The following ANKS1B variants were observed in gnomAD, a reference collection of about 807,000 sequenced individuals.
The protein encoded by ANKS1B is ankyrin repeat and sterile alpha motif domain containing 1B, also known as ankyrin repeat and sterile alpha motif domain-containing protein 1B.
Under a neutral mutation model 148.3 loss-of-function variants are expected in ANKS1B, and 36 were observed. The ratio of observed to expected loss-of-function variants is 0.24; its 90% CI spans 0.19 to 0.32. The LOEUF (loss-of-function observed/expected upper bound fraction) is 0.32, where lower values mean the gene tolerates loss of function less well. ANKS1B is among the 10% of genes least tolerant of loss of function. The pLI is 1.00. For synonymous variants in ANKS1B, 542 were observed against 560.8 expected, an observed-to-expected ratio of 0.97 and a Z score of 0.47; for missense variants, 1,157 against 1,542.6, an observed-to-expected ratio of 0.75 and a Z score of 4.19.
chr12:99,016,342 C>T (rs1272551318), intron 17 of ANKS1B, among the ~76,000 whole-genome samples: 1 of 152,100 alleles, frequency 6.6e-6, no homozygotes, highest in African/African-American at 2.4e-5. Context: ...GTAAAGTATA[C>T]TCAGATTTGC....
intron 12 of ANKS1B, among the ~76,000 whole-genome samples, chr12:99,353,312 TGAA>T (rs2091640651): frequency 6.6e-6 from 1 of 152,086 alleles, no homozygotes; most frequent in African/African-American, 2.4e-5. Flanking sequence ...TATAAATTTA[TGAA>T]GGAGAGTAAA....
chr12:99,466,073 A>G (rs1272989254), intron 10 of ANKS1B, among the ~76,000 whole-genome samples: 3 of 152,224 alleles, frequency 2.0e-5, no homozygotes, highest in African/African-American at 4.8e-5. Flanking sequence ...AAAAACAGAA[A>G]TTATAACAAA....
At chr12:98,895,794 T>G (rs965546164) in intron 17 of ANKS1B, among the ~76,000 whole-genome samples, 11 of 145,536 alleles carry the variant, frequency 7.6e-5, no homozygotes, top group Admixed American at 7.5e-4. Flanking sequence ...GTTTTGTGTT[T>G]TTGTTTGTTT....
rs189237488 is a variant in ANKS1B, at chr12:99,830,414, C to T, written c.135-5025G>A. Among the ~76,000 whole-genome samples the T allele has an allele frequency of 7.9e-3, 1,204 of 151,986 alleles. 15 individuals carry two copies. Among genetic ancestry groups the T allele is most frequent in the African/African-American group, 0.027 (1,138 of 41,468 alleles). On this transcript the variant is annotated intron_variant, in intron 1 of 26. Coordinates refer to ENST00000683438, the MANE Select transcript of ANKS1B (RefSeq NM_001352186.2). ...TCTCTATGGAATATTTTACGGAAAA[C>T]TCAACTAAAAGTTCTAAATTTGATT...
intron 12 of ANKS1B, among the ~76,000 whole-genome samples, chr12:99,342,765 A>G (rs1358580052): frequency 1.3e-5 from 2 of 152,078 alleles, no homozygotes; most frequent in Admixed American, 1.3e-4. Context: ...CTAACACCTA[A>G]AAGTAAAATG....
At chr12:99,428,491 A>C (rs1162509567) in intron 11 of ANKS1B, among the ~76,000 whole-genome samples, 2 of 152,194 alleles carry the variant, frequency 1.3e-5, no homozygotes, top group African/African-American at 2.4e-5. Flanking sequence ...ACTGTCAGAG[A>C]ATAGAACTAC....
At position 99,718,953 on chromosome 12, in the gene ANKS1B, C is replaced by T. The variant is rs535955246; in HGVS notation, c.1128+53969G>A. Among the ~76,000 whole-genome samples the T allele has an allele frequency of 1.1e-3, 158 of 145,160 alleles. 1 individual carries two copies. The highest frequency in any genetic ancestry group is 3.9e-3 in the African/African-American group (157 of 40,670). On this transcript the variant is annotated intron_variant, in intron 8 of 26. Coordinates refer to ENST00000683438, the MANE Select transcript of ANKS1B (RefSeq NM_001352186.2). ...TTGGCATAATTCTTATAAAAACACACACGTGCTCTCCCTGCTGATTGTGTC... is the reference window on the plus strand; with the variant it reads ...TTGGCATAATTCTTATAAAAACACATACGTGCTCTCCCTGCTGATTGTGTC...
At chr12:99,452,503 T>C (rs1292891000) in intron 10 of ANKS1B, among the ~76,000 whole-genome samples, 1 of 152,224 alleles carries the variant, frequency 6.6e-6, no homozygotes. Flanking sequence ...GTTCAATATA[T>C]GCTCATTAAA....
At chr12:99,621,140 G>A (rs1284624507) in intron 9 of ANKS1B, among the ~76,000 whole-genome samples, 1 of 152,004 alleles carries the variant, frequency 6.6e-6, no homozygotes, top group Non-Finnish European at 1.5e-5. Flanking sequence ...TTAATATCCT[G>A]CCATACTAAG....
In ANKS1B at chr12:99,419,589, G is replaced by C. The variant is rs77567894; in HGVS notation, c.1576-19778C>G. Among the ~76,000 whole-genome samples the C allele has an allele frequency of 2.8e-3, 433 of 152,172 alleles. 2 individuals carry two copies. Among genetic ancestry groups the C allele is most frequent in the Non-Finnish European group, 4.8e-3 (327 of 68,000 alleles). On this transcript the variant is annotated intron_variant, in intron 11 of 26. Coordinates refer to ENST00000683438, the MANE Select transcript of ANKS1B (RefSeq NM_001352186.2). ...CAAAATATTAATAAAAGCTTATATT[G>C]CTGTATACGTGAAAGAAAATTTTTA...
chr12:99,120,237 C>A (rs1020942735), intron 15 of ANKS1B, among the ~76,000 whole-genome samples: 1 of 152,192 alleles, frequency 6.6e-6, no homozygotes, highest in Non-Finnish European at 1.5e-5. Context: ...AAAACCCATG[C>A]AGTCATGGGG....
At chr12:99,307,164 T>C (rs1291327133) in intron 12 of ANKS1B, among the ~76,000 whole-genome samples, 4 of 152,142 alleles carry the variant, frequency 2.6e-5, no homozygotes, top group Non-Finnish European at 5.9e-5. Flanking sequence ...CATTTTATTT[T>C]AGCACAGGAA....
At chr12:99,022,354 C>G (rs569304577) in intron 17 of ANKS1B, among the ~76,000 whole-genome samples, 1 of 152,160 alleles carries the variant, frequency 6.6e-6, no homozygotes, top group Non-Finnish European at 1.5e-5. Flanking sequence ...AGAACTCCCA[C>G]ATTGGACTAT....
chr12:99,848,475 C>T (rs560577722), intron 1 of ANKS1B, among the ~76,000 whole-genome samples: 2 of 152,028 alleles, frequency 1.3e-5, no homozygotes, highest in African/African-American at 4.8e-5. Flanking sequence ...CTTAAAGTAC[C>T]ATATATCACG....
chr12:99,732,338 A>G (rs1478356744), intron 8 of ANKS1B, among the ~76,000 whole-genome samples: 2 of 152,242 alleles, frequency 1.3e-5, no homozygotes, highest in Admixed American at 6.5e-5. Context: ...AAAGACTTAC[A>G]TGCAAAGATT....
intron 12 of ANKS1B, among the ~76,000 whole-genome samples, chr12:99,362,172 G>A (rs1403145406): frequency 6.6e-6 from 1 of 151,928 alleles, no homozygotes; most frequent in Non-Finnish European, 1.5e-5. Context: ...AAGTGGAGGG[G>A]ATTTTATGAC....
At chr12:99,913,667 TA>T in intron 1 of ANKS1B, among the ~76,000 whole-genome samples, 1 of 152,290 alleles carries the variant, frequency 6.6e-6, no homozygotes, top group Non-Finnish European at 1.5e-5. Context: ...ATCTTATTTT[TA>T]TAGTTCAATC....
At chr12:99,354,333 G>A (rs894896135) in intron 12 of ANKS1B, among the ~76,000 whole-genome samples, 7 of 152,096 alleles carry the variant, frequency 4.6e-5, no homozygotes, top group Non-Finnish European at 1.0e-4. Flanking sequence ...ATATGAAAAT[G>A]TTCCTTGTAT....
chr12:98,791,554 A>AT (rs74654037), intron 22 of ANKS1B, among the ~76,000 whole-genome samples: 39,708 of 151,372 alleles, frequency 0.26, 5,513 homozygotes, highest in Middle Eastern at 0.32. Flanking sequence ...GCAACAGAGA[A>AT]TTTTTTTTTA....
Sources: gnomAD v4.1 joint callset for allele counts (sites outside exome capture counted in the v4.1 genomes callset) on GRCh38, gnomAD v4.1.1 for gene constraint, MANE v1.5 for transcripts, NCBI Gene and HGNC (gene_info 2026-07-23, HGNC 2026-07-21) for gene names.